Variants in JAZF1 observed in about 807,000 individuals in gnomAD.
The protein encoded by JAZF1 is JAZF zinc finger 1, also known as juxtaposed with another zinc finger protein 1.
JAZF1 carries 8 observed loss-of-function variants against 26.4 expected under a neutral mutation model. That is an observed-to-expected ratio of 0.30 (90% CI 0.18 to 0.55). The LOEUF (loss-of-function observed/expected upper bound fraction) is 0.55. Ranked by LOEUF, JAZF1 falls within the 20% of genes least tolerant of loss-of-function variation. JAZF1 has a pLI of 0.94. For synonymous variants in JAZF1, 126 were observed against 122.3 expected (o/e 1.03, Z -0.20); for missense variants, 199 against 322.0 (o/e 0.62, Z 2.92).
chr7:28,040,050 C>T (rs1399703966), intron 1 of JAZF1, among the ~76,000 whole-genome samples: 2 of 152,100 alleles, frequency 1.3e-5, no homozygotes, highest in African/African-American at 4.8e-5. Flanking sequence ...ACTGAAGACT[C>T]CTACACATTA....
intron 1 of JAZF1, among the ~76,000 whole-genome samples, chr7:28,102,261 A>C (rs143133851): frequency 1.3e-5 from 2 of 152,392 alleles, no homozygotes; most frequent in East Asian, 3.9e-4. Flanking sequence ...AAATGTCTTT[A>C]TCTCTTAGGG....
chr7:28,078,774 T>G (rs944071827), intron 1 of JAZF1, among the ~76,000 whole-genome samples: 1 of 152,144 alleles, frequency 6.6e-6, no homozygotes, highest in East Asian at 1.9e-4. Flanking sequence ...AGCAGATCAG[T>G]TGAGTATTGG....
At chr7:27,890,784 C>A (rs1583450099) in intron 3 of JAZF1, among the ~76,000 whole-genome samples, 2 of 92,024 alleles carry the variant, frequency 2.2e-5, no homozygotes, top group Admixed American at 1.2e-4. Flanking sequence ...GATGTTACTA[C>A]TTTTTTTTTT....
chr7:27,968,969 C>T (rs576314276), intron 2 of JAZF1, among the ~76,000 whole-genome samples: 1 of 152,156 alleles, frequency 6.6e-6, no homozygotes, highest in South Asian at 2.1e-4. Context: ...AGTATTTTTC[C>T]TAGTAGTATA....
rs141674741 is a variant in JAZF1, at chr7:28,175,785, A to C, written c.115+4678T>G. Among the ~76,000 whole-genome samples the C allele has an allele frequency of 1.7e-3, 254 of 152,326 alleles. 1 individual carries two copies. Among genetic ancestry groups the C allele is most frequent in the African/African-American group, 5.7e-3 (237 of 41,582 alleles). The stretch of plus-strand genomic sequence containing the variant: ...GCTTTGCATACCTGTCTGGAATTCA[A>C]ATCTCAAATCATACACATCAGCCAC... On this transcript the variant is annotated intron_variant, in intron 1 of 4. Transcript: ENST00000283928.
chr7:27,849,744 T>TACACACAGAC (rs1783104295), intron 3 of JAZF1, among the ~76,000 whole-genome samples: 1 of 53,528 alleles, frequency 1.9e-5, no homozygotes, highest in South Asian at 5.8e-4. Flanking sequence ...TTGGAACCCT[T>TACACACAGAC]ACACACAGAC....
At chr7:28,094,079 T>C (rs1013884138) in intron 1 of JAZF1, among the ~76,000 whole-genome samples, 2 of 152,190 alleles carry the variant, frequency 1.3e-5, no homozygotes, top group African/African-American at 4.8e-5. Flanking sequence ...CAGTGATAAA[T>C]GTCCCCACCA....
intron 1 of JAZF1, among the ~76,000 whole-genome samples, chr7:28,138,665 C>T (rs960643277): frequency 6.6e-5 from 10 of 152,164 alleles, no homozygotes; most frequent in Admixed American, 5.2e-4. Flanking sequence ...ATATTTGCCA[C>T]CCTTCTTCTT....
At chr7:28,044,685 T>C (rs867116038) in intron 1 of JAZF1, among the ~76,000 whole-genome samples, 1 of 152,244 alleles carries the variant, frequency 6.6e-6, no homozygotes, top group Non-Finnish European at 1.5e-5. Flanking sequence ...TCTGATTCTA[T>C]GGCTGGAGGC....
intron 1 of JAZF1, among the ~76,000 whole-genome samples, chr7:28,090,690 G>A (rs1784279745): frequency 6.6e-6 from 1 of 152,106 alleles, no homozygotes; most frequent in Non-Finnish European, 1.5e-5. Context: ...CCATAGGCTA[G>A]TAATTAGTGG....
chr7:27,843,139 T>G (rs572407916), intron 3 of JAZF1: 1 of 152,286 alleles, frequency 6.6e-6, no homozygotes. Flanking sequence ...AGGTGGTAAG[T>G]TGGAACTATC....
intron 2 of JAZF1, among the ~76,000 whole-genome samples, chr7:27,960,785 T>C (rs1427710534): frequency 3.3e-5 from 5 of 152,082 alleles, no homozygotes; most frequent in Non-Finnish European, 7.4e-5. Context: ...ACTCATAACC[T>C]GGTGGAGGCT....
chr7:28,151,826 T>G (rs1783116255), intron 1 of JAZF1, among the ~76,000 whole-genome samples: 1 of 152,104 alleles, frequency 6.6e-6, no homozygotes, highest in Non-Finnish European at 1.5e-5. Context: ...TCTTTTAATT[T>G]TTAAAAGTTT....
At chr7:27,895,754 G>C (rs1583452356) in intron 2 of JAZF1, among the ~76,000 whole-genome samples, 2 of 152,062 alleles carry the variant, frequency 1.3e-5, no homozygotes, top group East Asian at 3.9e-4. Context: ...TCTACCCATA[G>C]GAAGCCCACA....
chr7:28,151,126 C>T (rs540554109), intron 1 of JAZF1, among the ~76,000 whole-genome samples: 73 of 149,068 alleles, frequency 4.9e-4, no homozygotes, highest in Middle Eastern at 6.8e-3. Flanking sequence ...TTTTTTGAGA[C>T]GGAGTTTCAC....
intron 3 of JAZF1, among the ~76,000 whole-genome samples, chr7:27,845,711 A>AAAAAAAAAAAGAAAG (rs1554328474): frequency 7.3e-6 from 1 of 137,672 alleles, no homozygotes; most frequent in Non-Finnish European, 1.5e-5. Context: ...AAAAAAAAAA[A>AAAAAAAAAAAGAAAG]AAAGAAAAGA....
intron 3 of JAZF1, among the ~76,000 whole-genome samples, chr7:27,848,776 G>A (rs748515257): frequency 6.6e-6 from 1 of 152,194 alleles, no homozygotes; most frequent in African/African-American, 2.4e-5. Context: ...TTTGCTCTAA[G>A]CTATTAGCTC....
intron 2 of JAZF1, among the ~76,000 whole-genome samples, chr7:27,965,748 A>G (rs1785262833): frequency 1.3e-5 from 2 of 152,210 alleles, no homozygotes; most frequent in African/African-American, 4.8e-5. Context: ...GCCAAAAATC[A>G]TAAATCCTTC....
intron 1 of JAZF1, among the ~76,000 whole-genome samples, chr7:28,122,143 C>G (rs1352231057): frequency 6.6e-6 from 1 of 152,184 alleles, no homozygotes; most frequent in Non-Finnish European, 1.5e-5. Flanking sequence ...TTTAAATCTT[C>G]TATCTGATTT....
Sources: gnomAD v4.1 joint callset for allele counts (sites outside exome capture counted in the v4.1 genomes callset) on GRCh38, gnomAD v4.1.1 for gene constraint, MANE v1.5 for transcripts, NCBI Gene and HGNC (gene_info 2026-07-23, HGNC 2026-07-21) for gene names.